The following ESRRB variants were observed in gnomAD, a reference collection of about 807,000 sequenced individuals.
The protein encoded by ESRRB is estrogen related receptor beta.
ESRRB carries 16 observed loss-of-function variants against 46.0 expected under a neutral mutation model. The observed-to-expected ratio is 0.35, with a 90% CI of 0.24 to 0.53. The LOEUF is 0.53. ESRRB is among the 20% of genes least tolerant of loss of function. ESRRB has a pLI of 0.93. For synonymous variants in ESRRB, 246 were observed against 259.6 expected, an observed-to-expected ratio of 0.95 and a Z score of 0.50; for missense variants, 488 against 607.4, an observed-to-expected ratio of 0.80 and a Z score of 2.07.
At chr14:76,496,042 CT>C in intron 6 of ESRRB, among the ~76,000 whole-genome samples, 1 of 152,292 alleles carries the variant, frequency 6.6e-6, no homozygotes, top group South Asian at 2.1e-4. Flanking sequence ...GCAACCTGAC[CT>C]TTGTGAGTCT....
intron 1 of ESRRB, among the ~76,000 whole-genome samples, chr14:76,380,957 G>C (rs1884986625): frequency 6.6e-6 from 1 of 152,212 alleles, no homozygotes; most frequent in Non-Finnish European, 1.5e-5. Context: ...CCGATTTCTA[G>C]AGATAAATCA....
At chr14:76,379,462 A>G (rs995038471) in intron 1 of ESRRB, among the ~76,000 whole-genome samples, 25 of 152,260 alleles carry the variant, frequency 1.6e-4, no homozygotes, top group African/African-American at 5.8e-4. Context: ...ATGGTAATTC[A>G]GAGTCAGTGA....
At chr14:76,346,194 A>G (rs1256994802) in intron 1 of ESRRB, among the ~76,000 whole-genome samples, 2 of 152,220 alleles carry the variant, frequency 1.3e-5, no homozygotes, top group South Asian at 2.1e-4. Context: ...TTGAGGATAT[A>G]CTATTCAACC....
At chr14:76,428,627 C>T (rs1887300778) in intron 1 of ESRRB, among the ~76,000 whole-genome samples, 1 of 152,114 alleles carries the variant, frequency 6.6e-6, no homozygotes. Context: ...GGCCACTCTC[C>T]GTGAGCCTGA....
At chr14:76,459,828 C>T (rs1888776648) in intron 2 of ESRRB, among the ~76,000 whole-genome samples, 1 of 152,114 alleles carries the variant, frequency 6.6e-6, no homozygotes, top group Non-Finnish European at 1.5e-5. Flanking sequence ...CAGAGCATGA[C>T]CTCCAGCTCC....
Position 76,491,734 on chromosome 14 carries a change from G to T in ESRRB, c.1120+18G>T. The T allele has an allele frequency of 3.8e-6, 6 of 1,561,014 alleles. No homozygotes were observed. The highest frequency in any genetic ancestry group is 5.2e-6 in the Non-Finnish European group (6 of 1,152,866). ...CAACTCCGGTAAGGGCGGCGGCGGG[G>T]CCTGGAAGGGGAGCTTCTAGGGCTC... is the stretch of plus-strand genomic sequence containing the variant. On this transcript the variant is annotated intron_variant, in intron 6 of 6. Coordinates refer to ENST00000644823, the MANE Select transcript of ESRRB (RefSeq NM_001379180.1).
At chr14:76,353,526 G>A (rs749981025) in intron 1 of ESRRB, among the ~76,000 whole-genome samples, 3 of 152,144 alleles carry the variant, frequency 2.0e-5, no homozygotes, top group Non-Finnish European at 4.4e-5. Flanking sequence ...GAACCGCTAA[G>A]CATGTGCCAG....
At chr14:76,402,120 C>A (rs1478526274) in intron 1 of ESRRB, among the ~76,000 whole-genome samples, 2 of 152,180 alleles carry the variant, frequency 1.3e-5, no homozygotes, top group African/African-American at 2.4e-5. Context: ...TTTATTCAGG[C>A]CTCTAGCTGA....
intron 1 of ESRRB, among the ~76,000 whole-genome samples, chr14:76,395,411 C>T (rs909721087): frequency 6.6e-6 from 1 of 152,140 alleles, no homozygotes; most frequent in African/African-American, 2.4e-5. Flanking sequence ...GGAGTCCCTC[C>T]GGACTCACGG....
chr14:76,345,171 A>G (rs1884235478), intron 1 of ESRRB, among the ~76,000 whole-genome samples: 1 of 152,232 alleles, frequency 6.6e-6, no homozygotes, highest in African/African-American at 2.4e-5. Flanking sequence ...CAAATGCAAT[A>G]GAAACAAAGA....
At chr14:76,414,974 A>C (rs1169300477) in intron 1 of ESRRB, among the ~76,000 whole-genome samples, 1 of 152,156 alleles carries the variant, frequency 6.6e-6, no homozygotes, top group Non-Finnish European at 1.5e-5. Flanking sequence ...AATTCTATGA[A>C]AACTCTACAC....
chr14:76,486,572 C>T (rs575860816), intron 5 of ESRRB, among the ~76,000 whole-genome samples: 1 of 151,580 alleles, frequency 6.6e-6, no homozygotes, highest in Admixed American at 6.5e-5. Flanking sequence ...TTTTTTTTCC[C>T]CCTTCAATTC....
intron 1 of ESRRB, among the ~76,000 whole-genome samples, chr14:76,328,791 A>C (rs562116900): frequency 5.3e-5 from 8 of 151,876 alleles, no homozygotes. Context: ...CCACGCATGC[A>C]CTCTGTGCCC....
At chr14:76,455,394 G>A (rs1446616046) in intron 2 of ESRRB, among the ~76,000 whole-genome samples, 1 of 152,000 alleles carries the variant, frequency 6.6e-6, no homozygotes, top group Non-Finnish European at 1.5e-5. Context: ...TTCTTGACTT[G>A]CTGTTATGGA....
chr14:76,324,963 C>CTTTTTTTTTTTTT (rs34780208), intron 1 of ESRRB, among the ~76,000 whole-genome samples: 8 of 102,206 alleles, frequency 7.8e-5, no homozygotes, highest in African/African-American at 1.5e-4. Context: ...TTTTCTTTTT[C>CTTTTTTTTTTTTT]TTTTTTTTTT....
intron 1 of ESRRB, among the ~76,000 whole-genome samples, chr14:76,403,018 T>G (rs1002164398): frequency 1.3e-5 from 2 of 152,152 alleles, no homozygotes; most frequent in Non-Finnish European, 2.9e-5. Flanking sequence ...TTCAAACTCC[T>G]GGGCTCAAGC....
intron 1 of ESRRB, among the ~76,000 whole-genome samples, chr14:76,360,695 T>C (rs1884452356): frequency 6.6e-6 from 1 of 152,210 alleles, no homozygotes. Context: ...GGGGCAGATA[T>C]AACCCCAAGT....
Position 76,333,127 on chromosome 14 carries a change from A to T in ESRRB, c.2+22211A>T, listed in dbSNP as rs1353670881. On this transcript the variant is annotated intron_variant, in intron 1 of 6. Coordinates refer to the ESRRB transcript ENST00000512784. ...ATAATATATAATATATAATATATAT[A>T]TTATATATTATATATTATATATTAT... 6.2e-4 allele frequency among the ~76,000 whole-genome samples: 3 copies of T among 4,874 alleles called. 1 individual carries two copies. Among genetic ancestry groups the T allele is most frequent in the Non-Finnish European group, 1.2e-3 (3 of 2,458 alleles). 3.2% of individuals were successfully genotyped at this position (4,874 alleles called of 152,430 possible).
chr14:76,442,843 C>T lies in ESRRB; in HGVS notation c.460+3093C>T, dbSNP rs1312099320. On this transcript the variant is annotated intron_variant, in intron 2 of 6. Transcript: ENST00000644823. The stretch of plus-strand genomic sequence containing the variant: ...TTTTTTTTTTTTTTTGAGACAGAGT[C>T]TCACTCTGTCACCCAGGCTGGAGTG... Among the ~76,000 whole-genome samples the T allele has an allele frequency of 3.1e-5, 4 of 130,280 alleles. No homozygotes were observed. In the Admixed American group the frequency reaches 3.5e-4, roughly 11 times the overall value. The allele number at this position is 130,280 out of a possible 152,430, so 85.5% of individuals were successfully genotyped here.
Sources: allele counts gnomAD v4.1 joint callset (sites outside exome capture counted in the v4.1 genomes callset), GRCh38; gene constraint gnomAD v4.1.1; transcripts MANE v1.5; gene names NCBI Gene and HGNC (gene_info 2026-07-23, HGNC 2026-07-21).